ANKRD11: variants seen among roughly 807,000 people sequenced by gnomAD.
The protein encoded by ANKRD11 is ankyrin repeat domain-containing protein 11.
Under a neutral mutation model 195.7 loss-of-function variants are expected in ANKRD11, and 17 were observed. The ratio of observed to expected loss-of-function variants is 0.09; its 90% CI spans 0.06 to 0.13. The LOEUF is 0.13. Among genes scored for constraint, ANKRD11 ranks in the 10% least tolerant of loss-of-function variants. The pLI is 1.00. For synonymous variants in ANKRD11, 1,953 were observed against 1,528.1 expected (o/e 1.28, Z -6.49); for missense variants, 3,735 against 3,566.1 (o/e 1.05, Z -1.21).
intron 2 of ANKRD11, among the ~76,000 whole-genome samples, chr16:89,382,627 A>G (rs921277199): frequency 1.5e-4 from 23 of 151,432 alleles, no homozygotes; most frequent in African/African-American, 5.6e-4. Context: ...CTGAGCCACC[A>G]CACTTGGCCG....
chr16:89,329,628 T>TA (rs11302266), intron 2 of ANKRD11, among the ~76,000 whole-genome samples: 1 of 151,982 alleles, frequency 6.6e-6, no homozygotes, highest in African/African-American at 2.4e-5. Context: ...AGGAATAAAG[T>TA]AAAAAAACAG....
chr16:89,449,105 T>TCCCA (rs2043940854), intron 1 of ANKRD11, among the ~76,000 whole-genome samples: 1 of 150,652 alleles, frequency 6.6e-6, no homozygotes, highest in Non-Finnish European at 1.5e-5. Flanking sequence ...AATCCCAGCA[T>TCCCA]GTTGGGAGGC....
intron 1 of ANKRD11, among the ~76,000 whole-genome samples, chr16:89,483,665 C>T (rs934963034): frequency 7.2e-5 from 11 of 151,930 alleles, no homozygotes; most frequent in African/African-American, 2.7e-4. Flanking sequence ...CCCGTCTCTA[C>T]GAAAAATACA....
At chr16:89,326,378 G>A (rs1654511855) in intron 2 of ANKRD11, among the ~76,000 whole-genome samples, 1 of 151,192 alleles carries the variant, frequency 6.6e-6, no homozygotes, top group East Asian at 1.9e-4. Context: ...CGCAGCCACC[G>A]CCCCCCCCAC....
At chr16:89,450,093 G>A (rs529158947) in intron 1 of ANKRD11, among the ~76,000 whole-genome samples, 1 of 152,306 alleles carries the variant, frequency 6.6e-6, no homozygotes, top group Admixed American at 6.5e-5. Context: ...TTGTGTTACT[G>A]AATGTGTCAC....
intron 1 of ANKRD11, among the ~76,000 whole-genome samples, chr16:89,487,782 T>A (rs1264419099): frequency 6.6e-6 from 1 of 151,840 alleles, no homozygotes; most frequent in Non-Finnish European, 1.5e-5. Flanking sequence ...AAAATAAAAA[T>A]AAAATAAAAT....
At chr16:89,383,272 G>T (rs1440708393) in intron 2 of ANKRD11, among the ~76,000 whole-genome samples, 1 of 152,206 alleles carries the variant, frequency 6.6e-6, no homozygotes, top group Non-Finnish European at 1.5e-5. Flanking sequence ...GGCTCTGCCA[G>T]AAGCACTGCC....
At chr16:89,301,481 G>A (rs2035850163) in intron 4 of ANKRD11, 2 of 398,596 alleles carry the variant, frequency 5.0e-6, no homozygotes, top group Admixed American at 4.4e-5. Flanking sequence ...AGCAGGGCAG[G>A]CAAGATGGGC....
At chr16:89,393,261 C>A (rs1345616782) in intron 2 of ANKRD11, among the ~76,000 whole-genome samples, 2 of 152,030 alleles carry the variant, frequency 1.3e-5, no homozygotes, top group African/African-American at 4.8e-5. Context: ...CCAAGAGAGT[C>A]CACTGTACAC....
intron 4 of ANKRD11, chr16:89,300,422 CA>C (rs536980348): frequency 4.0e-4 from 74 of 187,034 alleles, no homozygotes; most frequent in African/African-American, 1.4e-3. Context: ...CAGAGGCTCC[CA>C]GGGGCGCCAT....
chr16:89,379,428 T>TC (rs2040553270), intron 2 of ANKRD11, among the ~76,000 whole-genome samples: 1 of 152,218 alleles, frequency 6.6e-6, no homozygotes, highest in Non-Finnish European at 1.5e-5. Flanking sequence ...GGCCTCCTGC[T>TC]CCACACCCTG....
chr16:89,300,331 G>T, intron 4 of ANKRD11: 1 of 208,996 alleles, frequency 4.8e-6, no homozygotes, highest in Non-Finnish European at 9.8e-6. Context: ...CCACACACGT[G>T]AGTGCCTTGG....
rs553867053 is a variant in ANKRD11 at position 89,273,616 on chromosome 16, G to C, written c.7713+1198C>G. On this transcript the variant is annotated intron_variant, in intron 11 of 12. Coordinates refer to ENST00000301030, the MANE Select transcript of ANKRD11 (RefSeq NM_013275.6). ...GGAGGCTGAGGCAGGAGAATCGCTT[G>C]AACCCGGAAGCCAGAGGTTGCAGTG... Among the ~76,000 whole-genome samples the C allele has an allele frequency of 5.3e-5, 8 of 151,946 alleles. No individual in the cohort carries two copies. The East Asian group carries it at 1.5e-3, about 29-fold the overall frequency.
chr16:89,285,519 G>A lies in ANKRD11; in HGVS notation c.1023C>T (p.Ala341=), dbSNP rs1211972887. ...AKNPEPQKAT[A]PVKDEYEFDE... ...CAAACTCATACTCGTCCTTGACGGG[G>A]GCCGTGGCCTTCTGTGGCTCTGGGT... The change falls in exon 9 of 13, where the codon GCC becomes GCT. Residue 341 remains alanine, a synonymous_variant. Coordinates refer to ENST00000301030, the MANE Select transcript of ANKRD11 (RefSeq NM_013275.6). This position sits in a 1 kb window ranked among gnomAD's most constrained non-coding sequence, Gnocchi z 5.6. 1.2e-6 allele frequency: 2 copies of A among 1,614,012 alleles called. No homozygotes were observed. Among genetic ancestry groups the A allele is most frequent in the Non-Finnish European group, 1.7e-6 (2 of 1,179,944 alleles).
intron 2 of ANKRD11, among the ~76,000 whole-genome samples, chr16:89,317,841 C>T (rs1023270801): frequency 6.6e-6 from 1 of 152,168 alleles, no homozygotes; most frequent in African/African-American, 2.4e-5. Context: ...GCCCCTCTCT[C>T]AGGGCTGGCA....
chr16:89,278,306 G>A, intron 9 of ANKRD11: 1 of 353,292 alleles, frequency 2.8e-6, no homozygotes, highest in Non-Finnish European at 5.6e-6. Flanking sequence ...AAAGACCCCA[G>A]TGGGTAGGAG....
chr16:89,372,178 A>G (rs1459616312), intron 2 of ANKRD11, among the ~76,000 whole-genome samples: 1 of 152,236 alleles, frequency 6.6e-6, no homozygotes, highest in African/African-American at 2.4e-5. Context: ...CACTCCCAGG[A>G]GGAAAAGCAG....
chr16:89,413,087 C>T (rs978445772), intron 2 of ANKRD11, among the ~76,000 whole-genome samples: 1 of 152,130 alleles, frequency 6.6e-6, no homozygotes, highest in African/African-American at 2.4e-5. Flanking sequence ...TAGGAGGGGG[C>T]GCCGCTCAGC....
intron 2 of ANKRD11, among the ~76,000 whole-genome samples, chr16:89,407,011 C>G (rs1005692208): frequency 6.6e-6 from 1 of 152,026 alleles, no homozygotes; most frequent in Admixed American, 6.5e-5. Flanking sequence ...ATGGTGAAAC[C>G]CTGTCTCTAC....
Sources: allele counts gnomAD v4.1 joint callset (sites outside exome capture counted in the v4.1 genomes callset), GRCh38; gene constraint gnomAD v4.1.1; non-coding constraint Gnocchi (gnomAD v3.1); transcripts MANE v1.5; gene names NCBI Gene and HGNC (gene_info 2026-07-23, HGNC 2026-07-21).